CYP4X1: variants seen among roughly 807,000 people sequenced by gnomAD.
CYP4X1 encodes cytochrome P450 family 4 subfamily X member 1, also known as cytochrome P450 4X1.
In CYP4X1, 44 loss-of-function variants were observed where a neutral mutation model predicts 57.9. The ratio of observed to expected loss-of-function variants is 0.76; its 90% confidence interval spans 0.60 to 0.98. CYP4X1 has a LOEUF of 0.98. Ranked by LOEUF, CYP4X1 falls within the 50% of genes least tolerant of loss-of-function variation. The pLI, the probability that CYP4X1 is intolerant of heterozygous loss-of-function variation, is 0.00. For missense variants in CYP4X1, 532 were observed against 623.9 expected, an observed-to-expected ratio of 0.85 and a Z score of 1.57; for synonymous variants, 227 against 228.6, an observed-to-expected ratio of 0.99 and a Z score of 0.06.
the CYP4X1 span, among the ~76,000 whole-genome samples, chr1:46,962,693 A>C: frequency 1.3e-5 from 2 of 152,216 alleles, no homozygotes; most frequent in South Asian, 4.1e-4. Context: ...TTTTGGAATA[A>C]GTGCAGTGTC....
At chr1:47,011,285 C>G in the CYP4X1 span, among the ~76,000 whole-genome samples, 3 of 152,094 alleles carry the variant, frequency 2.0e-5, no homozygotes, top group Non-Finnish European at 2.9e-5. Flanking sequence ...TTTGACAAAC[C>G]TGACAAAAAC....
At chr1:47,016,448 T>G in the CYP4X1 span, among the ~76,000 whole-genome samples, 3 of 151,972 alleles carry the variant, frequency 2.0e-5, no homozygotes, top group African/African-American at 7.3e-5. Flanking sequence ...TTCACGCCAT[T>G]CTCCTGTCTC....
the CYP4X1 span, among the ~76,000 whole-genome samples, chr1:47,002,175 A>G: frequency 6.6e-6 from 1 of 152,190 alleles, no homozygotes; most frequent in Non-Finnish European, 1.5e-5. Context: ...TGTACAACAC[A>G]TTTTTGTCCT....
chr1:46,964,193 C>T, the CYP4X1 span, among the ~76,000 whole-genome samples: 1 of 152,178 alleles, frequency 6.6e-6, no homozygotes, highest in African/African-American at 2.4e-5. Context: ...GTTCAAACTT[C>T]CTCCTTTAGC....
At chr1:47,054,399 A>C (rs1410696736), downstream of CYP4X1, among the ~76,000 whole-genome samples, 1 of 151,822 alleles carries the variant, frequency 6.6e-6, no homozygotes, top group Non-Finnish European at 1.5e-5. Context: ...CTTGGCAATG[A>C]GGGCTCTTTT....
rs1185345879 is a variant in CYP4X1 at position 47,047,424 on chromosome 1, A to G, written c.1207+824A>G. On this transcript the variant is annotated intron_variant, in intron 9 of 11. Transcript: ENST00000371901. ...GACAGACCCAGAATTAATTTCTGGA[A>G]GCTAGAATTATTTCTGGAAACCAAA... Among the ~76,000 whole-genome samples, 3 of 152,202 alleles carry G rather than the reference A, an allele frequency of 2.0e-5. No homozygotes were observed. In the East Asian group the frequency reaches 5.8e-4, roughly 29 times the overall value.
At chr1:46,986,225 A>G in the CYP4X1 span, among the ~76,000 whole-genome samples, 1 of 152,244 alleles carries the variant, frequency 6.6e-6, no homozygotes, top group African/African-American at 2.4e-5. Context: ...TGAAGCATAT[A>G]CAAGTATCAA....
the CYP4X1 span, among the ~76,000 whole-genome samples, chr1:46,969,109 C>T: frequency 1.3e-5 from 2 of 152,202 alleles, no homozygotes; most frequent in Non-Finnish European, 1.5e-5. Context: ...TAGCACTATA[C>T]CACTGGTGAT....
At chr1:46,966,920 T>C in the CYP4X1 span, among the ~76,000 whole-genome samples, 1 of 152,222 alleles carries the variant, frequency 6.6e-6, no homozygotes. Flanking sequence ...AAAGTATGAC[T>C]TTGTCATAGT....
At chr1:46,991,982 C>T in the CYP4X1 span, among the ~76,000 whole-genome samples, 2 of 151,916 alleles carry the variant, frequency 1.3e-5, no homozygotes, top group African/African-American at 4.9e-5. Flanking sequence ...ATCATCCGCT[C>T]CTCTCCCCAC....
chr1:47,012,909 TAA>T, the CYP4X1 span, among the ~76,000 whole-genome samples: 1 of 152,222 alleles, frequency 6.6e-6, no homozygotes, highest in Non-Finnish European at 1.5e-5. Flanking sequence ...TAACAAAAAA[TAA>T]AGTCCTTTAC....
chr1:47,008,991 G>C, the CYP4X1 span, among the ~76,000 whole-genome samples: 7 of 152,186 alleles, frequency 4.6e-5, no homozygotes, highest in South Asian at 2.1e-4. Context: ...ACCCCACTGT[G>C]AACATTAGAC....
rs764511087 is a variant in CYP4X1, at chr1:47,031,470, T to C, written c.354T>C (p.Pro118=). The change falls in exon 3 of 12, where the codon CCT becomes CCC. Residue 118 remains proline (P), a synonymous_variant. Coordinates refer to ENST00000371901, the MANE Select transcript of CYP4X1 (RefSeq NM_178033.2). ...CCCAGTACCTGCAGAAATTCTCACC[T>C]CCACTTCTTGGTATGTATGTGCAAA... ...PKSQYLQKFS[P]PLLGKGLAAL... is the part of the protein sequence containing the mutation. The C allele has an allele frequency of 6.2e-7, 1 of 1,614,038 alleles. No homozygotes were observed. Among genetic ancestry groups the C allele is most frequent in the Non-Finnish European group, 8.5e-7 (1 of 1,179,986 alleles).
rs140894493 is a variant in CYP4X1 at position 47,040,231 on chromosome 1, G to A, written c.1073+699G>A. Reference sequence around the variant, plus strand: ...AGAAGACAGGTACCTACCCTGGCATGGGAGCTCAAGGAGACTTCCTTGACA... The same window carrying A: ...AGAAGACAGGTACCTACCCTGGCATAGGAGCTCAAGGAGACTTCCTTGACA... On this transcript the variant is annotated intron_variant, in intron 8 of 11. Transcript: ENST00000371901. Among the ~76,000 whole-genome samples, 5 of 152,204 alleles carry A rather than the reference G, an allele frequency of 3.3e-5. No homozygotes were observed. The East Asian group carries it at 9.7e-4, about 29-fold the overall frequency.
the CYP4X1 span, among the ~76,000 whole-genome samples, chr1:47,009,610 A>G: frequency 3.3e-5 from 5 of 152,200 alleles, no homozygotes; most frequent in African/African-American, 7.2e-5. Flanking sequence ...CAAAAAATCA[A>G]TGAATCCCAG....
At chr1:47,031,852 G>A (rs560345985) in intron 3 of CYP4X1, among the ~76,000 whole-genome samples, 1 of 152,082 alleles carries the variant, frequency 6.6e-6, no homozygotes, top group Non-Finnish European at 1.5e-5. Context: ...GACCAGCTGG[G>A]CCAACATGGT....
At chr1:47,045,747 C>G (rs1644294129) in intron 8 of CYP4X1, among the ~76,000 whole-genome samples, 1 of 152,212 alleles carries the variant, frequency 6.6e-6, no homozygotes. Context: ...CCCTTTCTCT[C>G]AAGAGGAAAC....
chr1:46,961,848 C>A, the CYP4X1 span: 1 of 1,127,266 alleles, frequency 8.9e-7, no homozygotes, highest in Non-Finnish European at 1.2e-6. Context: ...GTTATCCCAT[C>A]AAACAGACAA....
chr1:47,038,422 C>A (rs538773353), intron 6 of CYP4X1, among the ~76,000 whole-genome samples: 2 of 152,208 alleles, frequency 1.3e-5, no homozygotes, highest in South Asian at 4.1e-4. Flanking sequence ...AACTTGAAAT[C>A]ATCTTAATTT....
Sources: gnomAD v4.1 joint callset for allele counts (sites outside exome capture counted in the v4.1 genomes callset) on GRCh38, gnomAD v4.1.1 for gene constraint, MANE v1.5 for transcripts, NCBI Gene and HGNC (gene_info 2026-07-23, HGNC 2026-07-21) for gene names.